The following FRAS1 variants were observed in gnomAD, a reference collection of about 807,000 sequenced individuals.
FRAS1 encodes Fraser extracellular matrix complex subunit 1, also known as extracellular matrix organizing protein FRAS1.
A neutral mutation model predicts 435.2 loss-of-function variants in FRAS1; 290 were observed. That is an observed-to-expected ratio of 0.67 (90% CI 0.61 to 0.73). The LOEUF is 0.73. FRAS1 is among the 30% of genes least tolerant of loss of function. FRAS1 has a pLI of 0.00. For missense variants in FRAS1, 4,860 were observed against 5,001.5 expected (o/e 0.97, Z 0.85); for synonymous variants, 1,800 against 1,851.0 (o/e 0.97, Z 0.71).
At chr4:78,066,933 A>T (rs1740067734) in intron 2 of FRAS1, among the ~76,000 whole-genome samples, 1 of 152,186 alleles carries the variant, frequency 6.6e-6, no homozygotes, top group Non-Finnish European at 1.5e-5. Flanking sequence ...TTACTGCTGG[A>T]GAAGTTTATT....
intron 2 of FRAS1, chr4:78,181,815 G>C: frequency 6.2e-7 from 1 of 1,612,124 alleles, no homozygotes; most frequent in Non-Finnish European, 8.5e-7. Context: ...GGGTTCTTGC[G>C]GTCTTTCTGG....
intron 28 of FRAS1, among the ~76,000 whole-genome samples, chr4:78,386,177 G>T (rs1203571446): frequency 2.0e-5 from 3 of 152,052 alleles, no homozygotes; most frequent in Admixed American, 6.5e-5. Flanking sequence ...TTTATTATAT[G>T]AGAAACTTTT....
At chr4:78,314,777 G>A (rs1729166595) in intron 15 of FRAS1, among the ~76,000 whole-genome samples, 1 of 152,132 alleles carries the variant, frequency 6.6e-6, no homozygotes. Flanking sequence ...CCTTCAGCCT[G>A]ACATGGTCCT....
intron 45 of FRAS1, 69 bp from the exon 46 acceptor site, chr4:78,451,703 C>G: frequency 7.4e-7 from 1 of 1,344,034 alleles, no homozygotes; most frequent in Non-Finnish European, 1.0e-6. Flanking sequence ...ATTGAATTCA[C>G]ACCTCTTGCT....
At chr4:78,522,889 C>T (rs11731315) in intron 69 of FRAS1, 81 bp downstream of exon 69, 221,526 of 1,220,770 alleles carry the variant, frequency 0.18, 22,475 homozygotes, top group Non-Finnish European at 0.21. Context: ...ATAGTGCTTT[C>T]CTCTGAAGGC....
chr4:78,463,944 A>G, intron 47 of FRAS1, 77 bp from the exon 48 acceptor site: 1 of 1,509,176 alleles, frequency 6.6e-7, no homozygotes, highest in South Asian at 1.1e-5. Context: ...TGGTGAGAGT[A>G]TGACACTTCC....
intron 6 of FRAS1, among the ~76,000 whole-genome samples, chr4:78,256,372 T>C (rs1177412929): frequency 6.6e-6 from 1 of 152,210 alleles, no homozygotes; most frequent in Non-Finnish European, 1.5e-5. Context: ...TTGCACAGTG[T>C]CTTGCTCTAA....
chr4:78,087,042 C>G (rs558615931), intron 2 of FRAS1, among the ~76,000 whole-genome samples: 1 of 152,106 alleles, frequency 6.6e-6, no homozygotes, highest in Non-Finnish European at 1.5e-5. Context: ...ACTGGCAAAC[C>G]GAATCCAGCA....
intron 2 of FRAS1, among the ~76,000 whole-genome samples, chr4:78,183,319 A>G (rs1199233818): frequency 6.6e-6 from 1 of 152,192 alleles, no homozygotes; most frequent in Admixed American, 6.5e-5. Context: ...CCAGGAAAGC[A>G]AAGTCTCCAA....
chr4:78,536,883 A>G, intron 71 of FRAS1, 112 bp from the exon 72 acceptor site: 1 of 729,092 alleles, frequency 1.4e-6, no homozygotes, highest in Non-Finnish European at 2.3e-6. Flanking sequence ...AGCTCTTCAT[A>G]GAAAAGTGCT....
chr4:78,136,963 C>T (rs370635881), intron 2 of FRAS1, among the ~76,000 whole-genome samples: 4 of 152,188 alleles, frequency 2.6e-5, no homozygotes, highest in Non-Finnish European at 2.9e-5. Context: ...CATGAGAAGT[C>T]TTCACAGTGG....
intron 20 of FRAS1, among the ~76,000 whole-genome samples, chr4:78,343,000 G>A (rs899008128): frequency 5.9e-5 from 9 of 152,128 alleles, no homozygotes; most frequent in African/African-American, 2.2e-4. Flanking sequence ...TATACTTTGA[G>A]TATTTTCATA....
At chr4:78,305,156 A>C (rs1384690918) in intron 14 of FRAS1, among the ~76,000 whole-genome samples, 1 of 151,830 alleles carries the variant, frequency 6.6e-6, no homozygotes, top group African/African-American at 2.4e-5. Flanking sequence ...TTCAGTTTCC[A>C]TGTAGTTGAG....
intron 15 of FRAS1, among the ~76,000 whole-genome samples, chr4:78,311,394 TTC>T: frequency 6.6e-6 from 1 of 152,314 alleles, no homozygotes; most frequent in African/African-American, 2.4e-5. Flanking sequence ...CACCACGTTG[TTC>T]TCTCTCCTAG....
chr4:78,060,728 T>TCA (rs1739721500), intron 1 of FRAS1, among the ~76,000 whole-genome samples: 1 of 152,212 alleles, frequency 6.6e-6, no homozygotes, highest in African/African-American at 2.4e-5. Context: ...CTAAATGAGG[T>TCA]ACATTACGTG....
Position 78,333,403 on chromosome 4 carries a change from A to T in FRAS1, c.2269A>T (p.Ser757Cys). Reference sequence around the variant, plus strand: ...AGATGGCTACTTTCACCAGGAAGGTAGTTGCACAGGTGAGTATGTAATGTG... The same window carrying T: ...AGATGGCTACTTTCACCAGGAAGGTTGTTGCACAGGTGAGTATGTAATGTG... ...CPDGYFHQEG[S>C]CTECHPTCRQ... Residue 757 changes from serine (S) to cysteine (C), a missense_variant, in exon 19 of 74, where the codon AGT becomes TGT. By Grantham distance (112) the Ser-to-Cys change is moderately radical. Coordinates refer to ENST00000512123, the MANE Select transcript of FRAS1 (RefSeq NM_025074.7). 6.2e-7 allele frequency: 1 copy of T among 1,611,446 alleles called. No individual in the cohort carries two copies. Among genetic ancestry groups the T allele is most frequent in the Non-Finnish European group, 8.5e-7 (1 of 1,178,826 alleles).
intron 50 of FRAS1, 69 bp downstream of exon 50, chr4:78,466,504 A>T (rs1307103103): frequency 1.8e-6 from 2 of 1,139,132 alleles, no homozygotes; most frequent in Non-Finnish European, 2.6e-6. Context: ...GGAGTTTTAC[A>T]TCAAGCATAC....
chr4:78,057,476 C>A lies in FRAS1; in HGVS notation c.-534C>A, dbSNP rs192778295. ...CCCCGGCAGATGAGGTCTGCCGAGC[C>A]GGGTGGCTCGACCAAGGAGTGGGTG... On this transcript the variant is annotated 5_prime_UTR_variant, in exon 1 of 74. Transcript: ENST00000512123. This position sits in a 1 kb window ranked among gnomAD's most constrained non-coding sequence, Gnocchi z 4.2. 2.7e-4 allele frequency: 41 copies of A among 154,102 alleles called. No individual in the cohort carries two copies. Among genetic ancestry groups the A allele is most frequent in the African/African-American group, 6.0e-4 (25 of 41,604 alleles). 9.5% of individuals were successfully genotyped at this position (154,102 alleles called of 1,614,324 possible). A position where few individuals can be genotyped will look rare whatever the true frequency, so the allele number is the denominator to read the frequency against.
At chr4:78,232,571 C>T (rs369297957) in intron 2 of FRAS1, among the ~76,000 whole-genome samples, 12 of 152,198 alleles carry the variant, frequency 7.9e-5, no homozygotes, top group African/African-American at 2.9e-4. Context: ...AGGCGTGAGC[C>T]ACCGTGCCTG....
Sources: gnomAD v4.1 joint callset for allele counts (sites outside exome capture counted in the v4.1 genomes callset) on GRCh38, gnomAD v4.1.1 for gene constraint, Gnocchi (gnomAD v3.1) non-coding constraint, MANE v1.5 for transcripts, NCBI Gene and HGNC (gene_info 2026-07-23, HGNC 2026-07-21) for gene names.